The following TRIP11 variants were observed in gnomAD, a reference collection of about 807,000 sequenced individuals.
The protein encoded by TRIP11 is thyroid hormone receptor interactor 11.
In TRIP11, 148 loss-of-function variants were observed where a neutral mutation model predicts 223.1. The observed-to-expected ratio is 0.66, with a 90% CI of 0.58 to 0.76. The LOEUF is 0.76. Among genes scored for constraint, TRIP11 ranks in the 30% least tolerant of loss-of-function variants. The pLI is 0.00. For synonymous variants in TRIP11, 762 were observed against 772.6 expected (o/e 0.99, Z 0.23); for missense variants, 2,043 against 2,222.0 (o/e 0.92, Z 1.62).
At chr14:92,018,547 C>CA (rs1417234334) in intron 4 of TRIP11, among the ~76,000 whole-genome samples, 5 of 152,086 alleles carry the variant, frequency 3.3e-5, no homozygotes, top group Non-Finnish European at 7.4e-5. Flanking sequence ...GAACCAAAAG[C>CA]TACTCTAGGA....
rs2057027278 is a variant in TRIP11 at position 92,015,676 on chromosome 14, A to AATG, written c.823+19_823+20insCAT. The AATG allele has an allele frequency of 1.7e-5, 26 of 1,571,930 alleles. No individual in the cohort carries two copies. The highest frequency in any genetic ancestry group is 2.1e-5 in the Non-Finnish European group (24 of 1,156,816). ...CCATCTCAAAAAAAATAATAATAAT[A>AATG]AAGAAATAAAACTAATAACCTTGTT... On this transcript the variant is annotated intron_variant, in intron 6 of 20. Transcript: ENST00000267622.
chr14:91,988,132 T>C, intron 16 of TRIP11, 152 bp downstream of exon 16: 2 of 661,894 alleles, frequency 3.0e-6, no homozygotes, highest in Non-Finnish European at 5.2e-6. Flanking sequence ...GGACCATACT[T>C]AAATTGAAGC....
rs1276168659 is a variant in TRIP11 at position 92,018,734 on chromosome 14, G to A, written c.589-984C>T. 2.0e-5 allele frequency among the ~76,000 whole-genome samples: 3 copies of A among 151,962 alleles called. No individual in the cohort carries two copies. The East Asian group carries it at 5.8e-4, about 29-fold the overall frequency. ...CAACACTTTGGGAGGCAAGGCCGCT[G>A]GATCACAAGGGCAAGAGATCAAGAC... On this transcript the variant is annotated intron_variant, in intron 4 of 20. Transcript: ENST00000267622.
chr14:91,973,260 G>C (rs951465350), intron 19 of TRIP11, among the ~76,000 whole-genome samples: 2 of 152,106 alleles, frequency 1.3e-5, no homozygotes, highest in African/African-American at 4.8e-5. Flanking sequence ...TCCTGACCCT[G>C]TGATCCGCCC....
chr14:92,019,358 G>A (rs1233207696), intron 4 of TRIP11, among the ~76,000 whole-genome samples: 1 of 152,100 alleles, frequency 6.6e-6, no homozygotes, highest in Admixed American at 6.5e-5. Context: ...CTAACAAATT[G>A]ATATCCCTGA....
chr14:92,017,812 C>CA, intron 4 of TRIP11, 62 bp from the exon 5 acceptor site: 1 of 1,383,726 alleles, frequency 7.2e-7, no homozygotes, highest in Non-Finnish European at 1.0e-6. Flanking sequence ...CAGAAAGTCA[C>CA]AAACTAACTT....
At chr14:92,008,666 G>T (rs2056935307) in intron 9 of TRIP11, among the ~76,000 whole-genome samples, 1 of 152,134 alleles carries the variant, frequency 6.6e-6, no homozygotes, top group Non-Finnish European at 1.5e-5. Context: ...TTCATTGACA[G>T]ATTTTTAAAA....
intron 9 of TRIP11, 128 bp from the exon 10 acceptor site, chr14:92,007,980 T>C (rs2056926539): frequency 2.9e-6 from 2 of 698,376 alleles, no homozygotes; most frequent in Non-Finnish European, 4.8e-6. Context: ...TATTGAACAA[T>C]ACCTCAATAA....
At chr14:92,012,938 T>C (rs1041534980) in intron 7 of TRIP11, among the ~76,000 whole-genome samples, 44 of 152,176 alleles carry the variant, frequency 2.9e-4, no homozygotes, top group African/African-American at 1.0e-3. Context: ...ATGAAAAAAA[T>C]AGATTGAAGG....
intron 2 of TRIP11, chr14:92,026,968 C>T (rs2057197030): frequency 4.0e-6 from 4 of 997,096 alleles, no homozygotes; most frequent in Non-Finnish European, 6.1e-6. Context: ...AGAATCTAAA[C>T]GTGGTCACCT....
Position 91,968,126 on chromosome 14 carries a change from C to A in TRIP11, c.*1547G>T, listed in dbSNP as rs2056358144. ...GTACAGTTAATCACAGTAAAACTTG[C>A]AAATAACCAAATTTAGTTCTGGCCT... On this transcript the variant is annotated 3_prime_UTR_variant, in exon 21 of 21. Transcript: ENST00000267622. 5.0e-6 allele frequency: 1 copy of A among 201,574 alleles called. No homozygotes were observed. The highest frequency in any genetic ancestry group is 2.3e-5 in the African/African-American group (1 of 43,586). The allele number at this position is 201,574 out of a possible 1,614,324, so 12.5% of individuals were successfully genotyped here.
Position 91,967,586 on chromosome 14 carries a change from G to A in TRIP11, c.*2087C>T. Reference sequence around the variant, plus strand: ...GGATGAGAGGCGGACAAGTTGTTTTGGTCAGAGAAGGAAATACTCAAAAAT... The same window carrying A: ...GGATGAGAGGCGGACAAGTTGTTTTAGTCAGAGAAGGAAATACTCAAAAAT... On this transcript the variant is annotated 3_prime_UTR_variant, in exon 21 of 21. Transcript: ENST00000267622. The A allele has an allele frequency of 5.0e-6, 1 of 200,540 alleles. No homozygotes were observed. The highest frequency in any genetic ancestry group is 2.3e-5 in the African/African-American group (1 of 43,540). 12.4% of individuals were successfully genotyped at this position (200,540 alleles called of 1,614,324 possible). A position where few individuals can be genotyped will look rare whatever the true frequency, so the allele number is the denominator to read the frequency against.
chr14:92,014,073 C>G, intron 7 of TRIP11, 142 bp downstream of exon 7: 1 of 1,230,096 alleles, frequency 8.1e-7, no homozygotes, highest in Non-Finnish European at 1.1e-6. Context: ...ATCCAAACCA[C>G]ACAATTCTAC....
Position 91,968,703 on chromosome 14 carries a change from T to C in TRIP11, c.*970A>G, listed in dbSNP as rs1393161100. ...TAAAAAGGAACAAACTAGTGATACA[T>C]CCAAAGCCTTGGATGGATCTCAAGG... On this transcript the variant is annotated 3_prime_UTR_variant, in exon 21 of 21. Coordinates refer to ENST00000267622, the MANE Select transcript of TRIP11 (RefSeq NM_004239.4). 4.4e-6 allele frequency: 1 copy of C among 228,108 alleles called. No individual in the cohort carries two copies. Among genetic ancestry groups the C allele is most frequent in the Non-Finnish European group, 8.8e-6 (1 of 114,204 alleles). The allele number at this position is 228,108 out of a possible 1,614,324, so 14.1% of individuals were successfully genotyped here.
intron 20 of TRIP11, among the ~76,000 whole-genome samples, chr14:91,972,044 T>C (rs954913765): frequency 6.6e-6 from 1 of 152,314 alleles, no homozygotes; most frequent in Non-Finnish European, 1.5e-5. Context: ...TCCAACAGAT[T>C]ATAATTCAAT....
chr14:92,003,907 G>T lies in TRIP11; in HGVS notation c.4069C>A (p.Gln1357Lys), dbSNP rs144829001. The T allele has an allele frequency of 1.7e-4, 275 of 1,614,002 alleles. No individual in the cohort carries two copies. In the African/African-American group the frequency reaches 3.2e-3, roughly 19 times the overall value. Residue 1357 changes from glutamine to lysine, a missense_variant, in exon 11 of 21, where the codon CAG (glutamine) becomes AAG (lysine). Physicochemically the swap from Gln to Lys is moderately conservative, Grantham distance 53. Coordinates refer to ENST00000267622, the MANE Select transcript of TRIP11 (RefSeq NM_004239.4). ...GTTCTAATTGTTGCATCTTTTTCCTGTAGTGATTTTCTTAGCTCTTCTAAC... is the reference window on the plus strand; with the variant it reads ...GTTCTAATTGTTGCATCTTTTTCCTTTAGTGATTTTCTTAGCTCTTCTAAC... ...QELEELRKSLQEKDATIRTLQ... is the reference protein window; with the variant it reads ...QELEELRKSLKEKDATIRTLQ...
chr14:91,995,180 T>C (rs558257306), intron 14 of TRIP11, among the ~76,000 whole-genome samples, 172 bp downstream of exon 14: 2 of 152,358 alleles, frequency 1.3e-5, no homozygotes, highest in South Asian at 4.1e-4. Flanking sequence ...TTTCTCGTCT[T>C]AATTGTAAAA....
chr14:92,026,597 A>G lies in TRIP11; in HGVS notation c.202-1177T>C. 2.4e-6 allele frequency: 3 copies of G among 1,276,386 alleles called. No individual in the cohort carries two copies. In the South Asian group the frequency reaches 3.6e-5, roughly 15 times the overall value. 79.1% of individuals were successfully genotyped at this position (1,276,386 alleles called of 1,614,324 possible). Reference sequence around the variant, plus strand: ...GACGCAGCCGTGGACACCAGCTCCGAAATCACCACCAAGGACTTAAAGGAG... The same window carrying G: ...GACGCAGCCGTGGACACCAGCTCCGGAATCACCACCAAGGACTTAAAGGAG... On this transcript the variant is annotated intron_variant, in intron 2 of 20. Coordinates refer to ENST00000267622, the MANE Select transcript of TRIP11 (RefSeq NM_004239.4).
In TRIP11 at chr14:91,995,458, C is replaced by T; in HGVS notation, c.4950G>A (p.Lys1650=). 2.5e-6 allele frequency: 4 copies of T among 1,614,116 alleles called. No homozygotes were observed. The highest frequency in any genetic ancestry group is 1.3e-5 in the African/African-American group (1 of 75,050). ...GCTGCAGCGCAGTTTCATCCCTTTG[C>T]TTGGAAACTACATTCAACTGTTCTT... ...SLQEQLNVVS[K]QRDETALQLS... The change falls in exon 14 of 21, where the codon AAG becomes AAA. Residue 1650 remains lysine (K), a synonymous_variant. Coordinates refer to ENST00000267622, the MANE Select transcript of TRIP11 (RefSeq NM_004239.4).
Sources: gnomAD v4.1 joint callset for allele counts (sites outside exome capture counted in the v4.1 genomes callset) on GRCh38, gnomAD v4.1.1 for gene constraint, MANE v1.5 for transcripts, NCBI Gene and HGNC (gene_info 2026-07-23, HGNC 2026-07-21) for gene names.